The following ZFHX4 variants were observed in gnomAD, a reference collection of about 807,000 sequenced individuals.
ZFHX4 encodes zinc finger homeobox protein 4.
ZFHX4 carries 56 observed loss-of-function variants against 267.6 expected under a neutral mutation model. That is an observed-to-expected ratio of 0.21 (90% CI 0.17 to 0.26). The LOEUF is 0.26. Among genes scored for constraint, ZFHX4 ranks in the 10% least tolerant of loss-of-function variants. ZFHX4 has a pLI of 1.00. For synonymous variants in ZFHX4, 1,778 were observed against 1,665.6 expected, an observed-to-expected ratio of 1.07 and a Z score of -1.64; for missense variants, 4,332 against 4,420.0, an observed-to-expected ratio of 0.98 and a Z score of 0.56.
intron 4 of ZFHX4, among the ~76,000 whole-genome samples, chr8:76,795,663 C>A (rs1166650292): frequency 6.6e-6 from 1 of 151,332 alleles, no homozygotes; most frequent in African/African-American, 2.4e-5. Context: ...TCTCCTGCCT[C>A]AGCCTCCCAA....
intron 3 of ZFHX4, among the ~76,000 whole-genome samples, chr8:76,736,046 T>C (rs1386632615): frequency 6.6e-6 from 1 of 152,050 alleles, no homozygotes; most frequent in African/African-American, 2.4e-5. Context: ...TGGAAACTCA[T>C]CTTTGCCTTA....
chr8:76,832,182 A>G (rs953587817), intron 4 of ZFHX4, among the ~76,000 whole-genome samples: 1 of 152,142 alleles, frequency 6.6e-6, no homozygotes, highest in Admixed American at 6.6e-5. Flanking sequence ...AATCAACCAG[A>G]GATGCTATTG....
chr8:76,712,048 G>A (rs1006788898), intron 3 of ZFHX4, among the ~76,000 whole-genome samples: 1 of 151,876 alleles, frequency 6.6e-6, no homozygotes, highest in African/African-American at 2.4e-5. Flanking sequence ...TTTCCTTCCT[G>A]CATCTGCTAG....
At chr8:76,747,933 AAAAC>A (rs138245942) in intron 3 of ZFHX4, among the ~76,000 whole-genome samples, 43,287 of 150,826 alleles carry the variant, frequency 0.29, 8,401 homozygotes, top group African/African-American at 0.55. Context: ...GCTCTATCTC[AAAAC>A]AAACAAACAA....
intron 1 of ZFHX4, among the ~76,000 whole-genome samples, chr8:76,684,966 C>T (rs1807655039): frequency 6.6e-6 from 1 of 152,140 alleles, no homozygotes; most frequent in Non-Finnish European, 1.5e-5. Context: ...AGATCCTGCA[C>T]TGGATGGATG....
intron 3 of ZFHX4, among the ~76,000 whole-genome samples, chr8:76,777,378 C>G (rs761749180): frequency 6.6e-6 from 1 of 151,708 alleles, no homozygotes; most frequent in Non-Finnish European, 1.5e-5. Flanking sequence ...TTTTTTTTAG[C>G]AAAAATTTGT....
At chr8:76,791,398 G>A (rs760196762) in intron 4 of ZFHX4, among the ~76,000 whole-genome samples, 1 of 152,038 alleles carries the variant, frequency 6.6e-6, no homozygotes, top group Non-Finnish European at 1.5e-5. Context: ...AAAAACTCCA[G>A]AATTCTTATG....
intron 3 of ZFHX4, among the ~76,000 whole-genome samples, chr8:76,720,019 C>T (rs944345846): frequency 7.9e-5 from 12 of 152,134 alleles, no homozygotes; most frequent in Non-Finnish European, 1.6e-4. Context: ...AAATATAATT[C>T]ATATGCCATT....
At position 76,856,073 on chromosome 8, in the gene ZFHX4, C is replaced by T; in HGVS notation, c.9152C>T (p.Ala3051Val). 6.2e-7 allele frequency: 1 copy of T among 1,613,952 alleles called. No homozygotes were observed. The highest frequency in any genetic ancestry group is 8.5e-7 in the Non-Finnish European group (1 of 1,179,880). Reference sequence around the variant, plus strand: ...CTCGATCGGGAGAAAGATTACTTGGCTCCGACCACGGTTCGGCAGCTGATG... The same window carrying T: ...CTCGATCGGGAGAAAGATTACTTGGTTCCGACCACGGTTCGGCAGCTGATG... ...SQLDREKDYLAPTTVRQLMAQ... is the reference protein window; with the variant it reads ...SQLDREKDYLVPTTVRQLMAQ... Residue 3051 changes from alanine to valine, a missense_variant, in exon 10 of 11, where the codon GCT becomes GTT. Physicochemically the swap from Ala to Val is moderately conservative, Grantham distance 64. This residue lies in a region of ZFHX4 where 1,648 missense variants were observed against 1,625.0 expected (regional missense o/e 1.01). Transcript: ENST00000651372.
intron 5 of ZFHX4, among the ~76,000 whole-genome samples, chr8:76,839,311 A>G (rs1812175355): frequency 6.6e-6 from 1 of 152,192 alleles, no homozygotes; most frequent in Non-Finnish European, 1.5e-5. Context: ...GTAACTTATA[A>G]GATCATTTTA....
At chr8:76,858,557 G>A (rs1216272819) in intron 10 of ZFHX4, among the ~76,000 whole-genome samples, 1 of 152,158 alleles carries the variant, frequency 6.6e-6, no homozygotes, top group African/African-American at 2.4e-5. Context: ...ATTACCAGTG[G>A]GGCCCCACCT....
At chr8:76,811,383 A>G (rs981909200) in intron 4 of ZFHX4, among the ~76,000 whole-genome samples, 1 of 152,210 alleles carries the variant, frequency 6.6e-6, no homozygotes, top group Non-Finnish European at 1.5e-5. Flanking sequence ...CTGTCCATGT[A>G]TGTATGAGGT....
intron 10 of ZFHX4, among the ~76,000 whole-genome samples, 171 bp from the exon 11 acceptor site, chr8:76,862,923 G>A (rs528220485): frequency 1.9e-4 from 29 of 152,134 alleles, no homozygotes; most frequent in Non-Finnish European, 2.9e-4. Flanking sequence ...ATAAACACAG[G>A]AAAGCCCCAT....
At chr8:76,803,896 C>T (rs1024241415) in intron 4 of ZFHX4, among the ~76,000 whole-genome samples, 5 of 151,998 alleles carry the variant, frequency 3.3e-5, no homozygotes, top group Admixed American at 3.3e-4. Flanking sequence ...ATTTTATATT[C>T]ACATTGTAAT....
chr8:76,722,558 G>A (rs966535), intron 3 of ZFHX4, among the ~76,000 whole-genome samples: 147,841 of 151,910 alleles, frequency 0.97, 71,965 homozygotes, highest in East Asian at 1. Context: ...AAACAAGGTT[G>A]GGTATTTTCT....
intron 1 of ZFHX4, among the ~76,000 whole-genome samples, chr8:76,698,265 C>T (rs1808010313): frequency 6.6e-6 from 1 of 152,076 alleles, no homozygotes; most frequent in Admixed American, 6.6e-5. Context: ...CCATCTTGCA[C>T]ACTGATTATA....
At chr8:76,817,648 A>T (rs1811541260) in intron 4 of ZFHX4, among the ~76,000 whole-genome samples, 1 of 152,246 alleles carries the variant, frequency 6.6e-6, no homozygotes, top group Admixed American at 6.5e-5. Context: ...AAAACAGTGC[A>T]GGGTAACTTA....
intron 6 of ZFHX4, among the ~76,000 whole-genome samples, chr8:76,844,705 T>C (rs891933246): frequency 9.2e-5 from 14 of 152,266 alleles, no homozygotes; most frequent in African/African-American, 4.8e-5. Flanking sequence ...AAACAAATTG[T>C]ATCCCCATAT....
In ZFHX4 at chr8:76,707,984, G is replaced by A. The variant is rs1808324674; in HGVS notation, c.3029G>A (p.Ser1010Asn). The A allele has an allele frequency of 1.2e-6, 2 of 1,613,902 alleles. No individual in the cohort carries two copies. Among genetic ancestry groups the A allele is most frequent in the Non-Finnish European group, 1.7e-6 (2 of 1,179,914 alleles). The stretch of plus-strand genomic sequence containing the variant: ...AACGCCTGTGACTATTACACCAACA[G>A]TGTGGATAAATTACGCTTGCATACC... ...KCNACDYYTN[S>N]VDKLRLHTTN... Residue 1010 changes from serine (S) to asparagine (N), a missense_variant, in exon 3 of 11, where the codon AGT (serine) becomes AAT (asparagine). Around this residue, in one of 7 missense-constraint regions of ZFHX4, gnomAD observed 1,371 missense variants for 1,423.1 expected, o/e 0.96. Transcript: ENST00000651372.
Sources: allele counts gnomAD v4.1 joint callset (sites outside exome capture counted in the v4.1 genomes callset), GRCh38; gene constraint gnomAD v4.1.1; regional missense constraint gnomAD v4.1.1; transcripts MANE v1.5; gene names NCBI Gene and HGNC (gene_info 2026-07-23, HGNC 2026-07-21).